Variants in POLR2G observed in about 807,000 individuals in gnomAD.
The protein encoded by POLR2G is RNA polymerase II subunit G.
Under a neutral mutation model 25.7 loss-of-function variants are expected in POLR2G, and 19 were observed. That is an observed-to-expected ratio of 0.74 (90% CI 0.52 to 1.08). The LOEUF is 1.08. Ranked by LOEUF, POLR2G falls within the 50% of genes least tolerant of loss-of-function variation. The pLI is 0.00. For synonymous variants in POLR2G, 79 were observed against 76.0 expected (o/e 1.04, Z -0.21); for missense variants, 123 against 218.5 (o/e 0.56, Z 2.76).
intron 2 of POLR2G, 158 bp from the exon 3 acceptor site, chr11:62,762,709 C>T (rs928027803): frequency 1.6e-6 from 1 of 638,618 alleles, no homozygotes; most frequent in African/African-American, 1.8e-5. Flanking sequence ...TCTGTTCTGT[C>T]TTCTTTTGGT....
chr11:62,766,560 T>C lies in POLR2G; in HGVS notation c.*53T>C. The C allele has an allele frequency of 1.3e-6, 2 of 1,570,816 alleles. No individual in the cohort carries two copies. The highest frequency in any genetic ancestry group is 2.2e-5 in the South Asian group (2 of 90,128). On this transcript the variant is annotated 3_prime_UTR_variant, in exon 8 of 8. Transcript: ENST00000301788. Reference sequence around the variant, plus strand: ...ACTCTAGGAAGTGTGATTGTCACACTTATCATGTTGTCCAGAGGTCCAGTC... The same window carrying C: ...ACTCTAGGAAGTGTGATTGTCACACCTATCATGTTGTCCAGAGGTCCAGTC...
intron 6 of POLR2G, 67 bp from the exon 7 acceptor site, chr11:62,766,176 G>A: frequency 5.3e-6 from 7 of 1,318,920 alleles, no homozygotes; most frequent in Non-Finnish European, 7.7e-6. Context: ...AAGGCCTGGG[G>A]CTGCAGGGTG....
intron 3 of POLR2G, among the ~76,000 whole-genome samples, chr11:62,764,136 C>T (rs1352947694): frequency 1.3e-5 from 2 of 152,282 alleles, no homozygotes; most frequent in East Asian, 3.9e-4. Context: ...TGGACTAACA[C>T]GTCCCAGGCC....
At chr11:62,762,787 G>A in intron 2 of POLR2G, 80 bp from the exon 3 acceptor site, 2 of 1,195,904 alleles carry the variant, frequency 1.7e-6, no homozygotes, top group Non-Finnish European at 2.4e-6. Context: ...CTACCCCCAA[G>A]AGCTCAGCGA....
At chr11:62,765,531 G>T in intron 5 of POLR2G, 122 bp from the exon 6 acceptor site, 1 of 1,096,562 alleles carries the variant, frequency 9.1e-7, no homozygotes, top group Admixed American at 1.7e-5. Flanking sequence ...ATGATTTTAT[G>T]ACTTTACGAT....
chr11:62,763,090 T>C, intron 3 of POLR2G, 64 bp downstream of exon 3: 1 of 1,046,734 alleles, frequency 9.6e-7, no homozygotes, highest in Non-Finnish European at 1.4e-6. Flanking sequence ...GGGTTCTGGC[T>C]CCACTTCATA....
rs375727768 is a variant in POLR2G, at chr11:62,765,252, G to T, written c.333+20G>T. The T allele has an allele frequency of 6.2e-7, 1 of 1,613,374 alleles. No individual in the cohort carries two copies. The highest frequency in any genetic ancestry group is 1.1e-5 in the South Asian group (1 of 91,078). On this transcript the variant is annotated intron_variant, in intron 4 of 7. Transcript: ENST00000301788. ...CGACATGTAAGTCTGGGCACACTGG[G>T]TGGGGCTGAGGAAGACAGATACTCA...
chr11:62,763,129 CTTTTTTTT>C, intron 3 of POLR2G, 103 bp downstream of exon 3: 1 of 274,284 alleles, frequency 3.6e-6, no homozygotes, highest in South Asian at 9.9e-5. Flanking sequence ...AGTCACTTCA[CTTTTTTTT>C]TTTTTTTTTT....
In POLR2G at chr11:62,765,169, AT is replaced by A. The variant is rs763209667; in HGVS notation, c.283-5del. ...ACCGTGCACGGCCGTAAGATCACTCATTTTTTTTCTAGGTTGGACTCTTCAC... is the reference window on the plus strand; with the variant it reads ...ACCGTGCACGGCCGTAAGATCACTCATTTTTTTCTAGGTTGGACTCTTCAC... On this transcript the variant is annotated splice_polypyrimidine_tract_variant and intron_variant, in intron 3 of 7. Transcript: ENST00000301788. 2.5e-5 allele frequency: 40 copies of A among 1,611,628 alleles called. 1 individual carries two copies. The Admixed American group carries it at 5.7e-4, about 23-fold the overall frequency.
rs1341940295 is a variant in POLR2G at position 62,765,824 on chromosome 11, G to A, written c.471+100G>A. ...TTTTTTTGAGACGGAGTCTTGCTCT[G>A]TCACCCAGGCTGGAGTGCAGTGGCG... On this transcript the variant is annotated intron_variant, in intron 6 of 7. Coordinates refer to ENST00000301788, the MANE Select transcript of POLR2G (RefSeq NM_002696.3). 4.0e-6 allele frequency: 3 copies of A among 742,898 alleles called. No individual in the cohort carries two copies. In the African/African-American group the frequency reaches 5.6e-5, roughly 14 times the overall value. 46.0% of individuals were successfully genotyped at this position (742,898 alleles called of 1,614,324 possible). A position where few individuals can be genotyped will look rare whatever the true frequency, so the allele number is the denominator to read the frequency against.
rs1202047660 is a variant in POLR2G, at chr11:62,765,239, C to G, written c.333+7C>G. 9 of 1,613,702 alleles carry G rather than the reference C, an allele frequency of 5.6e-6. No individual in the cohort carries two copies. Among genetic ancestry groups the G allele is most frequent in the African/African-American group, 1.3e-5 (1 of 75,012 alleles). On this transcript the variant is annotated splice_region_variant and intron_variant, in intron 4 of 7. Coordinates refer to ENST00000301788, the MANE Select transcript of POLR2G (RefSeq NM_002696.3). Reference sequence around the variant, plus strand: ...TTGCTTCATCTCTCGACATGTAAGTCTGGGCACACTGGGTGGGGCTGAGGA... The same window carrying G: ...TTGCTTCATCTCTCGACATGTAAGTGTGGGCACACTGGGTGGGGCTGAGGA...
At chr11:62,761,751 C>G (rs757947868) in intron 1 of POLR2G, 44 bp from the exon 2 acceptor site, 1 of 1,607,152 alleles carries the variant, frequency 6.2e-7, no homozygotes, top group Non-Finnish European at 8.5e-7. Flanking sequence ...CGTCCAATAA[C>G]CTGCCAGCGC....
intron 5 of POLR2G, 62 bp from the exon 6 acceptor site, chr11:62,765,591 G>A: frequency 8.1e-7 from 1 of 1,237,764 alleles, no homozygotes; most frequent in Non-Finnish European, 1.2e-6. Context: ...ACAGTGAAGT[G>A]ATTGTGATGT....
chr11:62,765,092 C>T (rs1363760846), intron 3 of POLR2G, 90 bp from the exon 4 acceptor site: 13 of 1,073,636 alleles, frequency 1.2e-5, no homozygotes, highest in African/African-American at 3.1e-5. Flanking sequence ...CTCCTGACCT[C>T]GTGATCCACC....
chr11:62,762,773 G>A lies in POLR2G; in HGVS notation c.123-94G>A, dbSNP rs188206540. ...ATCTACTTGTCCTTTTGCTCTCCCC[G>A]ACCCTACCCCCAAGAGCTCAGCGAC... On this transcript the variant is annotated intron_variant, in intron 2 of 7. Coordinates refer to ENST00000301788, the MANE Select transcript of POLR2G (RefSeq NM_002696.3). The A allele has an allele frequency of 9.5e-5, 95 of 1,000,844 alleles. No homozygotes were observed. In the East Asian group the frequency reaches 1.8e-3, roughly 19 times the overall value. The allele number at this position is 1,000,844 out of a possible 1,614,324, so 62.0% of individuals were successfully genotyped here. A position where few individuals can be genotyped will look rare whatever the true frequency, so the allele number is the denominator to read the frequency against.
intron 3 of POLR2G, among the ~76,000 whole-genome samples, chr11:62,763,485 G>T (rs1370140826): frequency 3.3e-5 from 5 of 151,222 alleles, no homozygotes; most frequent in Non-Finnish European, 7.4e-5. Flanking sequence ...TAGTACAGAC[G>T]GGGTTTCACT....
At chr11:62,766,446 C>T (rs2084116156) in intron 7 of POLR2G, 48 bp from the exon 8 acceptor site, 1 of 1,610,806 alleles carries the variant, frequency 6.2e-7, no homozygotes, top group African/African-American at 1.3e-5. Context: ...ATGGTTGTGG[C>T]TACCCTAAAT....
At chr11:62,766,451 C>G (rs769725146) in intron 7 of POLR2G, 43 bp from the exon 8 acceptor site, 3 of 1,612,768 alleles carry the variant, frequency 1.9e-6, no homozygotes, top group Non-Finnish European at 1.7e-6. Flanking sequence ...TGTGGCTACC[C>G]TAAATTCCGG....
intron 3 of POLR2G, 118 bp downstream of exon 3, chr11:62,763,144 T>C: frequency 1.6e-6 from 1 of 628,228 alleles, no homozygotes; most frequent in East Asian, 3.1e-5. Context: ...TTTTTTTTTT[T>C]TTTTTTTTGA....
Sources: allele counts gnomAD v4.1 joint callset (sites outside exome capture counted in the v4.1 genomes callset), GRCh38; gene constraint gnomAD v4.1.1; transcripts MANE v1.5; gene names NCBI Gene and HGNC (gene_info 2026-07-23, HGNC 2026-07-21).